ADGRG6: variants seen among roughly 807,000 people sequenced by gnomAD.
The protein encoded by ADGRG6 is G-protein coupled receptor 126.
Under a neutral mutation model 142.4 loss-of-function variants are expected in ADGRG6, and 84 were observed. The ratio of observed to expected loss-of-function variants is 0.59; its 90% CI spans 0.49 to 0.71. The LOEUF (loss-of-function observed/expected upper bound fraction) is 0.71, where lower values mean the gene tolerates loss of function less well. ADGRG6 is among the 30% of genes least tolerant of loss of function. The pLI is 0.00. For missense variants in ADGRG6, 1,367 were observed against 1,466.6 expected, an observed-to-expected ratio of 0.93 and a Z score of 1.11; for synonymous variants, 521 against 520.5, an observed-to-expected ratio of 1.00 and a Z score of -0.01.
At chr6:142,338,013 C>CTTTGTTTTTTTTTTTTTTTTGTTTTTTTT (rs1779408897) in intron 2 of ADGRG6, among the ~76,000 whole-genome samples, 1 of 26,078 alleles carries the variant, frequency 3.8e-5, no homozygotes, top group African/African-American at 1.8e-4. Context: ...TGCCTTGTAT[C>CTTTGTTTTTTTTTTTTTTTTGTTTTTTTT]TTTGTTTTTT....
rs1190096786 is a variant in ADGRG6 at position 142,382,010 on chromosome 6, C to T, written c.1129C>T (p.Leu377Phe). 6 of 1,598,782 alleles carry T rather than the reference C, an allele frequency of 3.8e-6. No homozygotes were observed. The highest frequency in any genetic ancestry group is 4.3e-6 in the Non-Finnish European group (5 of 1,169,638). The change falls in exon 5 of 25, where the codon CTC becomes TTC. Residue 377 changes from leucine to phenylalanine, a missense_variant. Physicochemically the swap from Leu to Phe is conservative, Grantham distance 22 (BLOSUM62 0). This residue lies in a region of ADGRG6 where 737 missense variants were observed against 746.5 expected (regional missense o/e 0.99). Transcript: ENST00000367609. ...GGCCAGCTGTGCAGACCTGGGGACC[C>T]TCTGTCAAGGTAGGGAGCCCACACC... ...ELASCADLGT[L>F]CQATVNSPST...
intron 2 of ADGRG6, among the ~76,000 whole-genome samples, chr6:142,316,545 A>C (rs745712506): frequency 2.0e-5 from 3 of 152,186 alleles, no homozygotes; most frequent in Non-Finnish European, 2.9e-5. Flanking sequence ...TGGCAATATT[A>C]ATCACTGTTT....
intron 15 of ADGRG6, among the ~76,000 whole-genome samples, chr6:142,406,493 A>G (rs1385015775): frequency 1.3e-5 from 2 of 152,210 alleles, no homozygotes; most frequent in Middle Eastern, 3.2e-3. Context: ...TCAAGATATC[A>G]TTGCATATTG....
chr6:142,438,267 A>G lies in ADGRG6; in HGVS notation c.3477A>G (p.Lys1159=). The change falls in exon 24 of 25, where the codon AAA becomes AAG. Residue 1159 remains lysine, a synonymous_variant. Transcript: ENST00000367609. ...AGAAAAGTTCTGATAATCTAGGAAA[A>G]TCTTTGTCTTCAAGCTCCATTGGTT... ...IIKKSSDNLG[K]SLSSSSIGSN... The G allele has an allele frequency of 6.2e-7, 1 of 1,605,884 alleles. No individual in the cohort carries two copies. The highest frequency in any genetic ancestry group is 1.3e-5 in the African/African-American group (1 of 74,796).
At chr6:142,437,920 C>T in intron 23 of ADGRG6, 1 of 258,040 alleles carries the variant, frequency 3.9e-6, no homozygotes, top group Non-Finnish European at 7.1e-6. Context: ...CTGAAAAAAC[C>T]TACTTTGTCT....
intron 2 of ADGRG6, among the ~76,000 whole-genome samples, chr6:142,329,477 G>A (rs891051650): frequency 5.3e-5 from 8 of 152,130 alleles, no homozygotes; most frequent in African/African-American, 1.4e-4. Context: ...GAAAATAATT[G>A]TATAAGCATC....
chr6:142,309,627 T>G lies in ADGRG6; in HGVS notation c.86T>G (p.Met29Arg). 6.3e-7 allele frequency: 1 copy of G among 1,598,584 alleles called. No homozygotes were observed. Among genetic ancestry groups the G allele is most frequent in the Non-Finnish European group, 8.5e-7 (1 of 1,170,236 alleles). The change falls in exon 2 of 25, where the codon ATG (methionine) becomes AGG (arginine). Residue 29 changes from methionine (M) to arginine (R), a missense_variant. Physicochemically the swap from Met to Arg is moderately conservative, Grantham distance 91. Around this residue, in one of 3 missense-constraint regions of ADGRG6, gnomAD observed 737 missense variants for 746.5 expected, o/e 0.99. Coordinates refer to ENST00000367609, the MANE Select transcript of ADGRG6 (RefSeq NM_198569.3). ...CTGTTCTTATTTGCTTTATATATCA[T>G]GTGTGTTCCTCACTCAGGTAAGACT... The part of the protein sequence containing the change: ...PLLFLFALYI[M>R]CVPHSVWGCA...
At chr6:142,321,947 T>C (rs933908669) in intron 2 of ADGRG6, among the ~76,000 whole-genome samples, 4 of 152,186 alleles carry the variant, frequency 2.6e-5, no homozygotes, top group Admixed American at 6.6e-5. Flanking sequence ...TTACTATCTA[T>C]ATCGAGAATT....
intron 24 of ADGRG6, chr6:142,441,018 G>A: frequency 2.7e-6 from 2 of 735,356 alleles, no homozygotes; most frequent in Non-Finnish European, 4.3e-6. Flanking sequence ...ATATGTGCAT[G>A]GATTAAGCTA....
chr6:142,441,775 A>G (rs1469956397), intron 24 of ADGRG6, among the ~76,000 whole-genome samples: 1 of 152,200 alleles, frequency 6.6e-6, no homozygotes, highest in Non-Finnish European at 1.5e-5. Context: ...TGGCTAGTGA[A>G]TATATGAACT....
chr6:142,423,905 C>G (rs1371850239), intron 22 of ADGRG6, among the ~76,000 whole-genome samples: 1 of 117,918 alleles, frequency 8.5e-6, no homozygotes, highest in African/African-American at 3.3e-5. Flanking sequence ...AAGTTGGATT[C>G]CTAGGTATTT....
At chr6:142,373,226 A>G (rs1292550438) in intron 4 of ADGRG6, among the ~76,000 whole-genome samples, 10 of 152,212 alleles carry the variant, frequency 6.6e-5, no homozygotes, top group Admixed American at 6.5e-4. Context: ...TTAGACTGTC[A>G]TTCATCATAA....
chr6:142,414,156 G>T (rs1776239723), intron 18 of ADGRG6, among the ~76,000 whole-genome samples: 1 of 152,052 alleles, frequency 6.6e-6, no homozygotes, highest in African/African-American at 2.4e-5. Flanking sequence ...TGAGTGAGTG[G>T]TCTTACCTCA....
At chr6:142,387,652 T>C (rs1782099107) in intron 6 of ADGRG6, among the ~76,000 whole-genome samples, 1 of 152,200 alleles carries the variant, frequency 6.6e-6, no homozygotes, top group Admixed American at 6.5e-5. Flanking sequence ...ACCTGTATTT[T>C]ACGTCCTTGA....
chr6:142,318,554 T>C (rs1249984152), intron 2 of ADGRG6, among the ~76,000 whole-genome samples: 1 of 148,984 alleles, frequency 6.7e-6, no homozygotes, highest in Non-Finnish European at 1.5e-5. Context: ...TAGGATGCAG[T>C]GTGATGTGCG....
chr6:142,375,367 A>G (rs1448924545), intron 4 of ADGRG6, among the ~76,000 whole-genome samples: 1 of 152,194 alleles, frequency 6.6e-6, no homozygotes, highest in Non-Finnish European at 1.5e-5. Context: ...TTCCAAGTTG[A>G]CGTTAAACAC....
chr6:142,341,440 ATATATATAG>A (rs568849175), intron 2 of ADGRG6, among the ~76,000 whole-genome samples: 111 of 119,382 alleles, frequency 9.3e-4, no homozygotes, highest in South Asian at 3.1e-3. Flanking sequence ...ATATATAATT[ATATATATAG>A]TATATATAGT....
At chr6:142,382,573 A>G (rs1781822492) in intron 5 of ADGRG6, among the ~76,000 whole-genome samples, 1 of 152,216 alleles carries the variant, frequency 6.6e-6, no homozygotes, top group Non-Finnish European at 1.5e-5. Flanking sequence ...GTTACATGTT[A>G]TGTACTAAAT....
chr6:142,426,122 A>G (rs1049644257), intron 22 of ADGRG6, among the ~76,000 whole-genome samples: 1 of 152,086 alleles, frequency 6.6e-6, no homozygotes, highest in African/African-American at 2.4e-5. Flanking sequence ...AAAACCAATT[A>G]TGCCTTCCCA....
Sources: allele counts gnomAD v4.1 joint callset (sites outside exome capture counted in the v4.1 genomes callset), GRCh38; gene constraint gnomAD v4.1.1; regional missense constraint gnomAD v4.1.1; transcripts MANE v1.5; gene names NCBI Gene and HGNC (gene_info 2026-07-23, HGNC 2026-07-21).